The following TMEM204 variants were observed in gnomAD, a reference collection of about 807,000 sequenced individuals.
TMEM204 encodes the protein claudin-like protein 24.
TMEM204 carries 15 observed loss-of-function variants against 19.4 expected under a neutral mutation model. The observed-to-expected ratio is 0.77, with a 90% confidence interval of 0.52 to 1.19. The LOEUF (loss-of-function observed/expected upper bound fraction) is 1.19. Ranked by LOEUF, TMEM204 falls within the 50% of genes most tolerant of loss-of-function variation. TMEM204 has a pLI of 0.00. For missense variants in TMEM204, 287 were observed against 321.2 expected, an observed-to-expected ratio of 0.89 and a Z score of 0.81; for synonymous variants, 161 against 146.0, an observed-to-expected ratio of 1.10 and a Z score of -0.74.
chr16:1,555,224 A>G lies in TMEM204; in HGVS notation c.*198A>G. The G allele has an allele frequency of 1.5e-6, 1 of 661,290 alleles. No homozygotes were observed. The highest frequency in any genetic ancestry group is 2.5e-6 in the Non-Finnish European group (1 of 404,574). 41.0% of individuals were successfully genotyped at this position (661,290 alleles called of 1,614,324 possible). Reference sequence around the variant, plus strand: ...ATATGTCTGTACGTGTCGTGGGCCAACCTCGTTCTGCCTCCAGCTTTCCTG... The same window carrying G: ...ATATGTCTGTACGTGTCGTGGGCCAGCCTCGTTCTGCCTCCAGCTTTCCTG... On this transcript the variant is annotated 3_prime_UTR_variant, in exon 3 of 3. Coordinates refer to ENST00000566264, the MANE Select transcript of TMEM204 (RefSeq NM_024600.6).
At chr16:1,543,672 G>A (rs1027776125) in intron 2 of TMEM204, among the ~76,000 whole-genome samples, 1 of 152,202 alleles carries the variant, frequency 6.6e-6, no homozygotes, top group African/African-American at 2.4e-5. Context: ...CAGGGATGTG[G>A]GACCTAGGAC....
intron 1 of TMEM204, among the ~76,000 whole-genome samples, 165 bp downstream of exon 1, chr16:1,534,720 C>T (rs1415767430): frequency 6.6e-6 from 1 of 152,186 alleles, no homozygotes; most frequent in Non-Finnish European, 1.5e-5. Flanking sequence ...TCCCAGGGAA[C>T]CAGGCCCCAA....
intron 2 of TMEM204, among the ~76,000 whole-genome samples, chr16:1,547,816 G>A (rs1032849172): frequency 3.3e-5 from 5 of 152,188 alleles, no homozygotes; most frequent in Admixed American, 1.3e-4. Context: ...GATTACAGGC[G>A]TGAGTCACTG....
intron 2 of TMEM204, among the ~76,000 whole-genome samples, chr16:1,549,734 T>C (rs1418902180): frequency 1.3e-5 from 2 of 152,098 alleles, no homozygotes; most frequent in African/African-American, 4.8e-5. Flanking sequence ...GCCTGGCCAC[T>C]TGTTGCTAGA....
intron 2 of TMEM204, among the ~76,000 whole-genome samples, chr16:1,544,905 C>T (rs1159352107): frequency 6.6e-6 from 1 of 152,220 alleles, no homozygotes; most frequent in Non-Finnish European, 1.5e-5. Context: ...GCCTCGGCCT[C>T]CCAAAGTGCT....
chr16:1,548,722 G>A (rs2032382224), intron 2 of TMEM204, among the ~76,000 whole-genome samples: 1 of 152,216 alleles, frequency 6.6e-6, no homozygotes, highest in African/African-American at 2.4e-5. Flanking sequence ...TCTCCCCCAC[G>A]TAGGGAAGGT....
chr16:1,540,136 A>G (rs1296667814), intron 1 of TMEM204, among the ~76,000 whole-genome samples: 1 of 152,182 alleles, frequency 6.6e-6, no homozygotes, highest in African/African-American at 2.4e-5. Context: ...CTAGACTGAG[A>G]CGATCCCACA....
rs772976749 is a variant in TMEM204 at position 1,554,957 on chromosome 16, C to T, written c.612C>T (p.Val204=). 1 of 1,613,972 alleles carries T rather than the reference C, an allele frequency of 6.2e-7. No individual in the cohort carries two copies. Among genetic ancestry groups the T allele is most frequent in the African/African-American group, 1.3e-5 (1 of 74,958 alleles). Residue 204 remains valine (V), a synonymous_variant, in exon 3 of 3, where the codon GTC becomes GTT. Coordinates refer to ENST00000566264, the MANE Select transcript of TMEM204 (RefSeq NM_024600.6). ...ACTGCATGGCCCCCCGGGTGATTGT[C>T]ATCAGCCGCTCCCTGACAGCGCGCT... is the stretch of plus-strand genomic sequence containing the variant. ...REDCMAPRVI[V]ISRSLTARFR...
At chr16:1,536,151 C>T (rs555986467) in intron 1 of TMEM204, among the ~76,000 whole-genome samples, 1 of 152,348 alleles carries the variant, frequency 6.6e-6, no homozygotes, top group Non-Finnish European at 1.5e-5. Context: ...TCCAGGCCTC[C>T]TAACTGCTGC....
Position 1,553,129 on chromosome 16 carries a change from T to C in TMEM204, c.437-1653T>C. On this transcript the variant is annotated intron_variant, in intron 2 of 2. Transcript: ENST00000566264. The surrounding 1 kb of genome is among the most constrained non-coding windows in gnomAD (Gnocchi z 4.4). ...GGAGGGTACAGTGATGATGAAAAGA[T>C]AATGCTTGGGTTTTTAGGAAAAACA... 2 of 985,438 alleles carry C rather than the reference T, an allele frequency of 2.0e-6. No individual in the cohort carries two copies. Among genetic ancestry groups the C allele is most frequent in the Non-Finnish European group, 2.4e-6 (2 of 829,928 alleles). 61.0% of individuals were successfully genotyped at this position (985,438 alleles called of 1,614,324 possible). A position where few individuals can be genotyped will look rare whatever the true frequency, so the allele number is the denominator to read the frequency against.
chr16:1,554,071 A>T, intron 2 of TMEM204: 1 of 1,287,120 alleles, frequency 7.8e-7, no homozygotes, highest in East Asian at 5.6e-5. Flanking sequence ...ATGGAAGGAA[A>T]ATCTGCCAGG....
At chr16:1,541,080 C>A (rs1201612619) in intron 1 of TMEM204, 1 of 985,352 alleles carries the variant, frequency 1.0e-6, no homozygotes. Flanking sequence ...ACGCACCTCC[C>A]TCTGAAGTTC....
upstream of TMEM204, among the ~76,000 whole-genome samples, chr16:1,529,747 G>A (rs2030240391): frequency 6.6e-6 from 1 of 152,188 alleles, no homozygotes; most frequent in Non-Finnish European, 1.5e-5. Context: ...CACGTGGAAG[G>A]ACCCATGCGT....
At chr16:1,540,070 G>A (rs1340950388) in intron 1 of TMEM204, among the ~76,000 whole-genome samples, 3 of 152,210 alleles carry the variant, frequency 2.0e-5, no homozygotes, top group Admixed American at 6.5e-5. Context: ...GGACGGCGGG[G>A]GGACCCTCAG....
chr16:1,554,832 A>G lies in TMEM204; in HGVS notation c.487A>G (p.Thr163Ala). The change falls in exon 3 of 3, where the codon ACC (threonine) becomes GCC (alanine). Residue 163 changes from threonine (T) to alanine (A), a missense_variant. Thr to Ala is a moderately conservative substitution (Grantham distance 58, BLOSUM62 0). Transcript: ENST00000566264. ...GACTTTCTACAGAATTGGCCCATAC[A>G]CCAACCTGTCCTGGTCCTGCTACCT... Reference protein sequence around the residue: ...LVTFYRIGPYTNLSWSCYLNI... With the variant: ...LVTFYRIGPYANLSWSCYLNI... 6.2e-7 allele frequency: 1 copy of G among 1,614,054 alleles called. No homozygotes were observed. Among genetic ancestry groups the G allele is most frequent in the South Asian group, 1.1e-5 (1 of 91,080 alleles).
At chr16:1,535,928 G>A (rs1010552381) in intron 1 of TMEM204, among the ~76,000 whole-genome samples, 4 of 152,254 alleles carry the variant, frequency 2.6e-5, no homozygotes, top group Non-Finnish European at 5.9e-5. Flanking sequence ...GCGTGACTCC[G>A]GCCAGGCGCC....
chr16:1,554,039 C>T, intron 2 of TMEM204: 1 of 1,287,176 alleles, frequency 7.8e-7, no homozygotes, highest in Non-Finnish European at 1.0e-6. Context: ...TGGTTTCAGG[C>T]TCTGGAAAGA....
chr16:1,540,620 A>C (rs1482009057), intron 1 of TMEM204, among the ~76,000 whole-genome samples: 1 of 152,146 alleles, frequency 6.6e-6, no homozygotes, highest in Non-Finnish European at 1.5e-5. Context: ...GAATGCGGGC[A>C]CAGGGACCTG....
At position 1,553,877 on chromosome 16, in the gene TMEM204, C is replaced by T. The variant is rs2032879076; in HGVS notation, c.437-905C>T. On this transcript the variant is annotated intron_variant, in intron 2 of 2. Coordinates refer to ENST00000566264, the MANE Select transcript of TMEM204 (RefSeq NM_024600.6). This position sits in a 1 kb window ranked among gnomAD's most constrained non-coding sequence, Gnocchi z 4.4. ...GTTATCCTAGTTGGTAGACTCTAGT[C>T]ACGAAACCCTGATTTTCCTGTTGTA... The T allele has an allele frequency of 6.4e-6, 8 of 1,255,602 alleles. No homozygotes were observed. The highest frequency in any genetic ancestry group is 5.7e-5 in the East Asian group (1 of 17,652). The allele number at this position is 1,255,602 out of a possible 1,614,324, so 77.8% of individuals were successfully genotyped here.
Sources: gnomAD v4.1 joint callset for allele counts (sites outside exome capture counted in the v4.1 genomes callset) on GRCh38, gnomAD v4.1.1 for gene constraint, Gnocchi (gnomAD v3.1) non-coding constraint, MANE v1.5 for transcripts, NCBI Gene and HGNC (gene_info 2026-07-23, HGNC 2026-07-21) for gene names.